ATRN: variants seen among roughly 807,000 people sequenced by gnomAD.
ATRN encodes the protein attractin, also known as attractin-2.
ATRN carries 54 observed loss-of-function variants against 178.7 expected under a neutral mutation model. That is an observed-to-expected ratio of 0.30 (90% CI 0.24 to 0.38). The LOEUF is 0.38. Ranked by LOEUF, ATRN falls within the 10% of genes least tolerant of loss-of-function variation. The pLI, the probability that ATRN is intolerant of heterozygous loss-of-function variation, is 1.00. For missense variants in ATRN, 1,443 were observed against 1,815.1 expected (o/e 0.79, Z 3.73); for synonymous variants, 636 against 663.0 (o/e 0.96, Z 0.63).
Position 3,507,954 on chromosome 20 carries a change from C to G in ATRN, c.411-27299C>G, listed in dbSNP as rs140477695. On this transcript the variant is annotated intron_variant, in intron 1 of 28. Coordinates refer to ENST00000262919, the MANE Select transcript of ATRN (RefSeq NM_139321.3). ...TCTTGACCTCGTGATCCACCCGTCT[C>G]GGCCTCCCAAAGTGCTAGGATTACA... Among the ~76,000 whole-genome samples the G allele has an allele frequency of 5.0e-3, 766 of 152,064 alleles. 2 individuals are homozygous for G. Among genetic ancestry groups the G allele is most frequent in the Middle Eastern group, 0.024 (7 of 294 alleles).
intron 6 of ATRN, among the ~76,000 whole-genome samples, chr20:3,554,322 T>TTTAC (rs2085833033): frequency 6.7e-6 from 1 of 148,402 alleles, no homozygotes; most frequent in East Asian, 2.0e-4. Flanking sequence ...TATTTATTTA[T>TTTAC]TTATTTATTT....
intron 24 of ATRN, among the ~76,000 whole-genome samples, chr20:3,604,947 C>T (rs190216020): frequency 1.9e-4 from 29 of 152,290 alleles, no homozygotes; most frequent in African/African-American, 5.3e-4. Context: ...ACTTTTTATA[C>T]TCATGTCACC....
chr20:3,481,280 A>G (rs1198709025), intron 1 of ATRN, among the ~76,000 whole-genome samples: 1 of 151,998 alleles, frequency 6.6e-6, no homozygotes, highest in African/African-American at 2.4e-5. Flanking sequence ...CACTGAGACC[A>G]TGGTTCGATA....
chr20:3,571,688 C>T (rs1364992588), intron 11 of ATRN, among the ~76,000 whole-genome samples: 1 of 151,766 alleles, frequency 6.6e-6, no homozygotes, highest in Non-Finnish European at 1.5e-5. Context: ...ATTTTTTTCT[C>T]TGCAAACTGG....
At position 3,625,671 on chromosome 20, in the gene ATRN, G is replaced by A. The variant is rs1600166673; in HGVS notation, c.3863+1099G>A. The stretch of plus-strand genomic sequence containing the variant: ...TGCTCTCTTGGTTTGAATTTCTCTC[G>A]GAGTTGCCCACCCTAGAACCTTCCC... On this transcript the variant is annotated intron_variant, in intron 25 of 28. Transcript: ENST00000262919. Among the ~76,000 whole-genome samples, 2 of 152,126 alleles carry A rather than the reference G, an allele frequency of 1.3e-5. 1 individual carries two copies.
intron 25 of ATRN, among the ~76,000 whole-genome samples, chr20:3,626,809 GTCTC>G (rs1465379412): frequency 2.9e-5 from 3 of 102,220 alleles, no homozygotes; most frequent in Non-Finnish European, 5.4e-5. Flanking sequence ...TTGAAACTTA[GTCTC>G]TCTCTGTCAC....
At chr20:3,535,739 C>G (rs2085522666) in intron 2 of ATRN, among the ~76,000 whole-genome samples, 1 of 152,078 alleles carries the variant, frequency 6.6e-6, no homozygotes, top group Non-Finnish European at 1.5e-5. Context: ...TCAAGCGATT[C>G]TCCTGACTCA....
At chr20:3,644,107 A>C (rs751201727) in intron 27 of ATRN, 47 bp from the exon 28 acceptor site, 1 of 1,412,150 alleles carries the variant, frequency 7.1e-7, no homozygotes, top group Non-Finnish European at 1.0e-6. Context: ...GTCCGTATAC[A>C]TTAAAGCTTG....
chr20:3,569,192 G>A (rs1323085400), intron 11 of ATRN, among the ~76,000 whole-genome samples: 1 of 152,180 alleles, frequency 6.6e-6, no homozygotes, highest in South Asian at 2.1e-4. Flanking sequence ...ATGTGTCACT[G>A]AATGATAGGG....
chr20:3,557,373 C>A (rs751767525), intron 6 of ATRN, among the ~76,000 whole-genome samples: 4 of 152,090 alleles, frequency 2.6e-5, no homozygotes, highest in Admixed American at 1.3e-4. Context: ...ATTTTCAGTA[C>A]CAGCAGTGTT....
chr20:3,597,948 A>G lies in ATRN; in HGVS notation c.3512A>G (p.Gln1171Arg). The G allele has an allele frequency of 3.1e-6, 5 of 1,612,572 alleles. No individual in the cohort carries two copies. Among genetic ancestry groups the G allele is most frequent in the Non-Finnish European group, 4.2e-6 (5 of 1,178,792 alleles). ...IDYQFTFSLSQEDDRYYTAIN... is the reference protein window; with the variant it reads ...IDYQFTFSLSREDDRYYTAIN... Reference sequence around the variant, plus strand: ...TATCAGTTCACCTTTAGTCTATCCCAGGAAGATGATCGCTATTACACAGCT... The same window carrying G: ...TATCAGTTCACCTTTAGTCTATCCCGGGAAGATGATCGCTATTACACAGCT... The change falls in exon 22 of 29, where the codon CAG becomes CGG. Residue 1171 changes from glutamine to arginine, a missense_variant. Coordinates refer to ENST00000262919, the MANE Select transcript of ATRN (RefSeq NM_139321.3).
intron 6 of ATRN, among the ~76,000 whole-genome samples, chr20:3,556,611 G>T (rs182127909): frequency 6.6e-6 from 1 of 152,112 alleles, no homozygotes; most frequent in Non-Finnish European, 1.5e-5. Context: ...TGAATTTCTG[G>T]AATCTATCTT....
rs565716812 is a variant in ATRN at position 3,490,329 on chromosome 20, TC to T, written c.410+18813del. The T allele has an allele frequency of 3.7e-4, 372 of 1,014,464 alleles. 2 individuals carry two copies. The South Asian group carries it at 4.5e-3, about 12-fold the overall frequency. 62.8% of individuals were successfully genotyped at this position (1,014,464 alleles called of 1,614,324 possible). On this transcript the variant is annotated intron_variant, in intron 1 of 28. Coordinates refer to ENST00000262919, the MANE Select transcript of ATRN (RefSeq NM_139321.3). ...TGGGTCAGAGCGCTGCTTGTCTCTT[TC>T]GCCCATCCAGGAAGGTCACATTCTC...
At position 3,596,401 on chromosome 20, in the gene ATRN, A is replaced by G; in HGVS notation, c.3441A>G (p.Gln1147=). 6.2e-7 allele frequency: 1 copy of G among 1,613,784 alleles called. No homozygotes were observed. ...GATGTGAGGTAGAAAATCGATACCA[A>G]GGAAACCCTCTCAGAGGAACATGTT... The part of the protein sequence containing the change: ...CQLCEVENRY[Q]GNPLRGTCYY... The change falls in exon 21 of 29, where the codon CAA becomes CAG. Residue 1147 remains glutamine, a synonymous_variant. Transcript: ENST00000262919.
At chr20:3,556,223 A>G (rs916094360) in intron 6 of ATRN, among the ~76,000 whole-genome samples, 3 of 152,204 alleles carry the variant, frequency 2.0e-5, no homozygotes, top group Non-Finnish European at 1.5e-5. Flanking sequence ...AGAACCTAAC[A>G]CATGTAACAG....
chr20:3,597,729 A>G (rs750496904), intron 21 of ATRN, among the ~76,000 whole-genome samples, 177 bp from the exon 22 acceptor site: 2 of 152,262 alleles, frequency 1.3e-5, no homozygotes, highest in Non-Finnish European at 2.9e-5. Context: ...TTGATGGGTT[A>G]ACCCAAATAA....
In ATRN at chr20:3,471,634, G is replaced by A. The variant is rs141778778; in HGVS notation, c.410+117G>A. On this transcript the variant is annotated intron_variant, in intron 1 of 28. Coordinates refer to ENST00000262919, the MANE Select transcript of ATRN (RefSeq NM_139321.3). Reference sequence around the variant, plus strand: ...GACAGAAAGTGGAGAGGGTAGGGCCGCCCTATGGGGTTTGAGGGCCATTTG... The same window carrying A: ...GACAGAAAGTGGAGAGGGTAGGGCCACCCTATGGGGTTTGAGGGCCATTTG... The A allele has an allele frequency of 3.8e-4, 480 of 1,272,800 alleles. 2 individuals are homozygous for A. In the African/African-American group the frequency reaches 6.8e-3, roughly 18 times the overall value. The allele number at this position is 1,272,800 out of a possible 1,614,324, so 78.8% of individuals were successfully genotyped here.
At chr20:3,582,094 G>C in intron 15 of ATRN, 41 bp from the exon 16 acceptor site, 1 of 1,549,122 alleles carries the variant, frequency 6.5e-7, no homozygotes, top group Admixed American at 1.7e-5. Context: ...ATTAAAAAAA[G>C]ATACTATCTG....
At chr20:3,566,637 C>G (rs2086039821) in intron 11 of ATRN, among the ~76,000 whole-genome samples, 1 of 152,082 alleles carries the variant, frequency 6.6e-6, no homozygotes, top group African/African-American at 2.4e-5. Context: ...GGCACGGTGG[C>G]TCACGCCTGT....
Sources: allele counts gnomAD v4.1 joint callset (sites outside exome capture counted in the v4.1 genomes callset), GRCh38; gene constraint gnomAD v4.1.1; transcripts MANE v1.5; gene names NCBI Gene and HGNC (gene_info 2026-07-23, HGNC 2026-07-21).